KAZN: variants seen among roughly 807,000 people sequenced by gnomAD.
KAZN encodes the protein kazrin, periplakin interacting protein.
Under a neutral mutation model 87.4 loss-of-function variants are expected in KAZN, and 40 were observed. That is an observed-to-expected ratio of 0.46 (90% CI 0.36 to 0.60). KAZN has a LOEUF of 0.60. Ranked by LOEUF, KAZN falls within the 20% of genes least tolerant of loss-of-function variation. KAZN has a pLI of 0.00. For synonymous variants in KAZN, 466 were observed against 458.3 expected, an observed-to-expected ratio of 1.02 and a Z score of -0.22; for missense variants, 898 against 1,073.9, an observed-to-expected ratio of 0.84 and a Z score of 2.29.
chr1:14,598,200 G>C (rs1290017388), upstream of KAZN, among the ~76,000 whole-genome samples: 1 of 152,136 alleles, frequency 6.6e-6, no homozygotes, highest in Admixed American at 6.5e-5. This position sits in a 1 kb window ranked among gnomAD's most constrained non-coding sequence, Gnocchi z 4.2. Context: ...GTGGGGGGTG[G>C]AGAGTGAGAG....
chr1:14,382,771 A>G (rs1453204132), intron 2 of KAZN, among the ~76,000 whole-genome samples: 2 of 149,632 alleles, frequency 1.3e-5, no homozygotes, highest in African/African-American at 4.9e-5. Flanking sequence ...TAATGCCGCA[A>G]TAAACATACG....
At chr1:14,654,215 C>A (rs1056562773) in intron 1 of KAZN, among the ~76,000 whole-genome samples, 7 of 139,174 alleles carry the variant, frequency 5.0e-5, no homozygotes, top group African/African-American at 1.1e-4. Flanking sequence ...TGAATCCAGG[C>A]GGTGGAGGTT....
At chr1:14,272,607 C>G (rs182587709) in intron 2 of KAZN, among the ~76,000 whole-genome samples, 148 of 152,240 alleles carry the variant, frequency 9.7e-4, no homozygotes, top group African/African-American at 3.4e-3. Context: ...ACCTGTAATC[C>G]CAGCACTTTG....
intron 2 of KAZN, among the ~76,000 whole-genome samples, chr1:14,459,347 C>T (rs1342134053): frequency 6.6e-6 from 1 of 151,708 alleles, no homozygotes; most frequent in African/African-American, 2.4e-5. Context: ...GCATCTTTTG[C>T]TTCTCCACAG....
At chr1:15,074,033 C>T (rs75426486) in intron 8 of KAZN, among the ~76,000 whole-genome samples, 14,479 of 152,302 alleles carry the variant, frequency 0.095, 749 homozygotes, top group East Asian at 0.25. Context: ...CCCCTGAGCC[C>T]GGCTCTGGAC....
chr1:13,941,685 T>G (rs559124481), intron 1 of KAZN, among the ~76,000 whole-genome samples: 5 of 152,252 alleles, frequency 3.3e-5, no homozygotes, highest in African/African-American at 1.2e-4. Context: ...AAGAGAAACT[T>G]GTTGCAGAAA....
rs115899180 is a variant in KAZN at position 14,825,809 on chromosome 1, A to G, written c.227-134875A>G. On this transcript the variant is annotated intron_variant, in intron 1 of 14. Transcript: ENST00000376030. ...CTCCCCAGGACTGGACTTTCTGTCC[A>G]TGTGTCCACTGCAAGGCCTCTGAGA... 9.7e-3 allele frequency among the ~76,000 whole-genome samples: 1,470 copies of G among 152,316 alleles called. 11 individuals carry two copies. Among genetic ancestry groups the G allele is most frequent in the Non-Finnish European group, 0.015 (1,029 of 68,036 alleles).
At chr1:14,807,495 A>G (rs1646259488) in intron 1 of KAZN, among the ~76,000 whole-genome samples, 1 of 152,166 alleles carries the variant, frequency 6.6e-6, no homozygotes, top group African/African-American at 2.4e-5. Context: ...AGGTCCATGC[A>G]TGGTGGCTCA....
Position 14,557,629 on chromosome 1 carries a change from G to T in KAZN, c.250-41354G>T, listed in dbSNP as rs201956788. ...AAACAAAACCAATAGGGTGTGTGTG[G>T]GTGTGTGTGTGTGTGTGTGTGTGTG... is the stretch of plus-strand genomic sequence containing the variant. On this transcript the variant is annotated intron_variant, in intron 2 of 16. Transcript: ENST00000636203. Among the ~76,000 whole-genome samples the T allele has an allele frequency of 6.1e-3, 837 of 137,944 alleles. 7 individuals carry two copies. Among genetic ancestry groups the T allele is most frequent in the Middle Eastern group, 0.015 (4 of 272 alleles). The allele number at this position is 137,944 out of a possible 152,430, so 90.5% of individuals were successfully genotyped here. A position where few individuals can be genotyped will look rare whatever the true frequency, so the allele number is the denominator to read the frequency against.
chr1:14,273,309 A>G (rs1652097900), intron 2 of KAZN, among the ~76,000 whole-genome samples: 1 of 152,050 alleles, frequency 6.6e-6, no homozygotes, highest in Admixed American at 6.6e-5. Flanking sequence ...TACAGAGAAG[A>G]TGCAGTTGAA....
intron 1 of KAZN, among the ~76,000 whole-genome samples, chr1:14,684,070 G>A (rs921263159): frequency 7.2e-5 from 11 of 152,238 alleles, no homozygotes; most frequent in East Asian, 5.8e-4. Flanking sequence ...GGCTGTCTAC[G>A]CAGAGTTTTA....
chr1:14,261,431 C>T (rs945980821), intron 2 of KAZN, among the ~76,000 whole-genome samples: 13 of 152,110 alleles, frequency 8.5e-5, no homozygotes, highest in African/African-American at 3.1e-4. Flanking sequence ...ACGCTGGGTC[C>T]TCAGGATGGA....
chr1:14,514,396 T>TTATATAA (rs1671126980), intron 2 of KAZN, among the ~76,000 whole-genome samples: 1 of 11,260 alleles, frequency 8.9e-5, no homozygotes, highest in Non-Finnish European at 2.1e-4. Flanking sequence ...ATTATATATA[T>TTATATAA]TTATATATAT....
At chr1:14,922,889 A>G (rs1658689506) in intron 1 of KAZN, among the ~76,000 whole-genome samples, 1 of 151,586 alleles carries the variant, frequency 6.6e-6, no homozygotes, top group Non-Finnish European at 1.5e-5. Flanking sequence ...GAAGGTGAGG[A>G]TGCGGGGGCG....
At chr1:14,940,428 T>C (rs1416475296) in intron 1 of KAZN, among the ~76,000 whole-genome samples, 2 of 152,238 alleles carry the variant, frequency 1.3e-5, no homozygotes, top group South Asian at 2.1e-4. Flanking sequence ...GTCTGTTTCC[T>C]TGACATGATG....
At chr1:14,972,416 G>T (rs1037120743) in intron 2 of KAZN, among the ~76,000 whole-genome samples, 4 of 152,198 alleles carry the variant, frequency 2.6e-5, no homozygotes, top group Non-Finnish European at 5.9e-5. Flanking sequence ...GTCCAAGGCG[G>T]CTGTGGACAC....
chr1:14,551,066 A>G (rs1309875500), intron 2 of KAZN, among the ~76,000 whole-genome samples: 4 of 152,150 alleles, frequency 2.6e-5, no homozygotes, highest in Non-Finnish European at 5.9e-5. Context: ...GCAAATAGCT[A>G]TACATGAATC....
intron 1 of KAZN, among the ~76,000 whole-genome samples, chr1:13,964,817 G>T (rs1445323552): frequency 6.6e-6 from 1 of 152,184 alleles, no homozygotes; most frequent in Admixed American, 6.5e-5. Context: ...GATAATTGTG[G>T]TCACTCTTGC....
intron 1 of KAZN, among the ~76,000 whole-genome samples, chr1:13,913,590 T>G (rs1311585565): frequency 6.6e-6 from 1 of 152,146 alleles, no homozygotes; most frequent in Non-Finnish European, 1.5e-5. Context: ...TTCTTACAGA[T>G]TTGCAAATCT....
Sources: gnomAD v4.1 joint callset for allele counts (sites outside exome capture counted in the v4.1 genomes callset) on GRCh38, gnomAD v4.1.1 for gene constraint, Gnocchi (gnomAD v3.1) non-coding constraint, MANE v1.5 for transcripts, NCBI Gene and HGNC (gene_info 2026-07-23, HGNC 2026-07-21) for gene names.